Variants in BACH2 observed in about 807,000 individuals in gnomAD.
BACH2 encodes the protein transcription regulator protein BACH2.
A neutral mutation model predicts 61.8 loss-of-function variants in BACH2; 5 were observed. The ratio of observed to expected loss-of-function variants is 0.08; its 90% confidence interval spans 0.04 to 0.17. BACH2 has a LOEUF of 0.17. Ranked by LOEUF, BACH2 falls within the 10% of genes least tolerant of loss-of-function variation. The pLI is 1.00. For missense variants in BACH2, 824 were observed against 1,091.1 expected (o/e 0.76, Z 3.45); for synonymous variants, 446 against 440.1 (o/e 1.01, Z -0.17).
At chr6:89,994,032 A>T (rs1465013682) in intron 6 of BACH2, among the ~76,000 whole-genome samples, 3 of 152,222 alleles carry the variant, frequency 2.0e-5, no homozygotes, top group Admixed American at 6.5e-5. Context: ...ATACTCAACC[A>T]GAGCCTAAAG....
intron 5 of BACH2, among the ~76,000 whole-genome samples, chr6:90,050,263 G>A (rs1416286301): frequency 6.6e-6 from 1 of 152,204 alleles, no homozygotes; most frequent in Non-Finnish European, 1.5e-5. Flanking sequence ...AAGATTTGAT[G>A]TGCAAGGCAG....
chr6:90,040,933 T>C (rs1779503939), intron 5 of BACH2, among the ~76,000 whole-genome samples: 1 of 152,180 alleles, frequency 6.6e-6, no homozygotes, highest in Non-Finnish European at 1.5e-5. Flanking sequence ...ACATAATGGG[T>C]TGTTATTGTT....
intron 3 of BACH2, among the ~76,000 whole-genome samples, chr6:90,220,384 C>T (rs1336559684): frequency 6.6e-6 from 1 of 152,070 alleles, no homozygotes; most frequent in Non-Finnish European, 1.5e-5. Flanking sequence ...TCTAACATAT[C>T]AAGAACAAAA....
At chr6:90,110,230 G>C (rs1783108921) in intron 4 of BACH2, among the ~76,000 whole-genome samples, 1 of 152,156 alleles carries the variant, frequency 6.6e-6, no homozygotes, top group Admixed American at 6.5e-5. Flanking sequence ...GATAACTGTG[G>C]ATATTCTCTG....
intron 5 of BACH2, among the ~76,000 whole-genome samples, chr6:90,047,529 C>T (rs1203212341): frequency 2.6e-5 from 4 of 152,160 alleles, no homozygotes; most frequent in Non-Finnish European, 5.9e-5. Context: ...CCCATTTCCC[C>T]GAATCACTTC....
At chr6:90,228,688 G>A (rs886499777) in intron 3 of BACH2, among the ~76,000 whole-genome samples, 2 of 152,148 alleles carry the variant, frequency 1.3e-5, no homozygotes, top group East Asian at 1.9e-4. Flanking sequence ...GCAGTGAGCC[G>A]AGATGGCACC....
At chr6:90,261,368 G>C (rs1243586919) in intron 2 of BACH2, among the ~76,000 whole-genome samples, 1 of 152,030 alleles carries the variant, frequency 6.6e-6, no homozygotes, top group Non-Finnish European at 1.5e-5. Context: ...TTTTAACCTT[G>C]AAAAAGAATA....
At position 90,105,917 on chromosome 6, in the gene BACH2, C is replaced by T. The variant is rs59259258; in HGVS notation, c.-161-16808G>A. ...TCCCACATTACAACTACAGATTGCACCAACAGTTTTCTTAGAGTTAGTGAG... is the reference window on the plus strand; with the variant it reads ...TCCCACATTACAACTACAGATTGCATCAACAGTTTTCTTAGAGTTAGTGAG... On this transcript the variant is annotated intron_variant, in intron 4 of 8. Coordinates refer to ENST00000257749, the MANE Select transcript of BACH2 (RefSeq NM_021813.4). Among the ~76,000 whole-genome samples, 763 of 152,278 alleles carry T rather than the reference C, an allele frequency of 5.0e-3. 3 individuals are homozygous for T. Among genetic ancestry groups the T allele is most frequent in the African/African-American group, 0.017 (726 of 41,548 alleles).
chr6:89,972,375 G>A (rs893900312), intron 6 of BACH2, among the ~76,000 whole-genome samples: 4 of 152,070 alleles, frequency 2.6e-5, no homozygotes, highest in African/African-American at 9.7e-5. Context: ...GATGAGAGAG[G>A]CCATTAGGAG....
At chr6:90,029,674 T>TA in intron 5 of BACH2, among the ~76,000 whole-genome samples, 1 of 152,296 alleles carries the variant, frequency 6.6e-6, no homozygotes. Flanking sequence ...AGAAAGTGAC[T>TA]AAAAAAGACT....
At chr6:90,267,737 A>G (rs556984417) in intron 2 of BACH2, among the ~76,000 whole-genome samples, 1 of 152,318 alleles carries the variant, frequency 6.6e-6, no homozygotes, top group East Asian at 1.9e-4. Flanking sequence ...TTTGATAAGG[A>G]TAAATGTTGT....
At chr6:90,272,287 T>C (rs899065877) in intron 1 of BACH2, among the ~76,000 whole-genome samples, 1 of 151,988 alleles carries the variant, frequency 6.6e-6, no homozygotes, top group South Asian at 2.1e-4. Flanking sequence ...TTTATTCTCC[T>C]CTCTCTCCTG....
chr6:90,103,029 A>ATTTTTTTTT lies in BACH2; in HGVS notation c.-161-13929_-161-13921dup, dbSNP rs371386234. 1.7e-3 allele frequency among the ~76,000 whole-genome samples: 37 copies of ATTTTTTTTT among 21,162 alleles called. 1 individual carries two copies. The highest frequency in any genetic ancestry group is 2.0e-3 in the Non-Finnish European group (25 of 12,534). The allele number at this position is 21,162 out of a possible 152,430, so 13.9% of individuals were successfully genotyped here. On this transcript the variant is annotated intron_variant, in intron 4 of 8. Coordinates refer to ENST00000257749, the MANE Select transcript of BACH2 (RefSeq NM_021813.4). Reference sequence around the variant, plus strand: ...TACATATATATATATATATATATATATTTTTTTTTTTTTTTTTTTTTTACC... The same window carrying ATTTTTTTTT: ...TACATATATATATATATATATATATATTTTTTTTTTTTTTTTTTTTTTTTTTTTTTTACC...
chr6:89,987,854 C>A (rs192863986), intron 6 of BACH2, among the ~76,000 whole-genome samples: 20 of 152,098 alleles, frequency 1.3e-4, no homozygotes, highest in Admixed American at 2.6e-4. Flanking sequence ...GCACAACAGC[C>A]CAACACGTGT....
At chr6:90,121,349 T>C (rs1197033322) in intron 4 of BACH2, among the ~76,000 whole-genome samples, 1 of 152,218 alleles carries the variant, frequency 6.6e-6, no homozygotes, top group Non-Finnish European at 1.5e-5. Context: ...GCTCTGACTC[T>C]GTAACCAGCC....
At chr6:89,980,829 T>C (rs917893286) in intron 6 of BACH2, among the ~76,000 whole-genome samples, 4 of 152,222 alleles carry the variant, frequency 2.6e-5, no homozygotes, top group Non-Finnish European at 5.9e-5. Flanking sequence ...TTTTAGCATA[T>C]TTACCATTTT....
intron 6 of BACH2, among the ~76,000 whole-genome samples, chr6:89,981,186 C>T (rs1775932627): frequency 6.6e-6 from 1 of 150,614 alleles, no homozygotes; most frequent in African/African-American, 2.5e-5. Flanking sequence ...GGCTGGAGTG[C>T]AGTGGCGTGA....
chr6:90,204,464 T>C (rs1769070929), intron 4 of BACH2, among the ~76,000 whole-genome samples: 1 of 152,160 alleles, frequency 6.6e-6, no homozygotes, highest in Non-Finnish European at 1.5e-5. Context: ...TGACACATCA[T>C]GCTTAATCAC....
intron 3 of BACH2, among the ~76,000 whole-genome samples, chr6:90,224,909 A>G (rs981352488): frequency 2.0e-5 from 3 of 152,236 alleles, no homozygotes; most frequent in African/African-American, 7.2e-5. Flanking sequence ...AACTGCAGAA[A>G]GTGTTTTCAG....
Sources: allele counts gnomAD v4.1 joint callset (sites outside exome capture counted in the v4.1 genomes callset), GRCh38; gene constraint gnomAD v4.1.1; transcripts MANE v1.5; gene names NCBI Gene and HGNC (gene_info 2026-07-23, HGNC 2026-07-21).